WDR82: variants seen among roughly 807,000 people sequenced by gnomAD.
The protein encoded by WDR82 is WD repeat-containing protein 82.
In WDR82, 8 loss-of-function variants were observed where a neutral mutation model predicts 36.1. The observed-to-expected ratio is 0.22, with a 90% CI of 0.13 to 0.40. The LOEUF is 0.40. WDR82 is among the 10% of genes least tolerant of loss of function. The probability of loss-of-function intolerance (pLI) is 1.00; values close to 1 mark genes in which losing one functional copy is unlikely to be tolerated. For synonymous variants in WDR82, 129 were observed against 137.8 expected, an observed-to-expected ratio of 0.94 and a Z score of 0.45; for missense variants, 185 against 400.5, an observed-to-expected ratio of 0.46 and a Z score of 4.59.
Position 52,254,981 on chromosome 3 carries a change from T to C in WDR82, c.*2509A>G, listed in dbSNP as rs1379656983. ...TTTTGAGACGGAGTTTTGCTGTTGT[T>C]GCCCAGGCCGGAGTGCAATGGCACG... On this transcript the variant is annotated 3_prime_UTR_variant, in exon 9 of 9. Transcript: ENST00000296490. The C allele has an allele frequency of 1.3e-5, 2 of 151,550 alleles. No homozygotes were observed. The highest frequency in any genetic ancestry group is 4.9e-5 in the African/African-American group (2 of 41,158). 9.4% of individuals were successfully genotyped at this position (151,550 alleles called of 1,614,324 possible). A position where few individuals can be genotyped will look rare whatever the true frequency, so the allele number is the denominator to read the frequency against.
At chr3:52,262,051 T>C (rs1377893971) in intron 3 of WDR82, among the ~76,000 whole-genome samples, 1 of 152,222 alleles carries the variant, frequency 6.6e-6, no homozygotes. Flanking sequence ...GCTGTATCTA[T>C]ACACTGGAAC....
At chr3:52,271,151 T>A (rs1333244262) in intron 1 of WDR82, among the ~76,000 whole-genome samples, 1 of 152,212 alleles carries the variant, frequency 6.6e-6, no homozygotes, top group Non-Finnish European at 1.5e-5. Flanking sequence ...AGACAGCACA[T>A]AGGGTAATGG....
At chr3:52,268,648 C>A (rs761606777) in intron 2 of WDR82, among the ~76,000 whole-genome samples, 28 of 151,506 alleles carry the variant, frequency 1.8e-4, no homozygotes, top group Non-Finnish European at 3.5e-4. Flanking sequence ...CTTAGAAAAC[C>A]ACTTCTGAAA....
At chr3:52,264,733 T>C (rs1388228895) in intron 3 of WDR82, among the ~76,000 whole-genome samples, 2 of 152,054 alleles carry the variant, frequency 1.3e-5, no homozygotes, top group African/African-American at 4.8e-5. Context: ...AGACAACAGC[T>C]TTCTCAAGGA....
intron 2 of WDR82, among the ~76,000 whole-genome samples, chr3:52,270,402 G>T (rs561022032): frequency 6.6e-6 from 1 of 152,210 alleles, no homozygotes; most frequent in Non-Finnish European, 1.5e-5. Flanking sequence ...ATAGGCGCGA[G>T]CCCCTACGCC....
intron 1 of WDR82, among the ~76,000 whole-genome samples, chr3:52,274,150 T>A (rs1444644988): frequency 6.6e-6 from 1 of 152,248 alleles, no homozygotes; most frequent in Admixed American, 6.5e-5. Context: ...TATCACTCAA[T>A]GGGCGAACTC....
intron 2 of WDR82, 97 bp from the exon 3 acceptor site, chr3:52,267,115 G>A (rs1262230778): frequency 3.1e-5 from 29 of 941,968 alleles, no homozygotes; most frequent in Middle Eastern, 2.4e-4. Flanking sequence ...ATAATCCATT[G>A]TATTCTATAT....
rs564373087 is a variant in WDR82 at position 52,255,750 on chromosome 3, G to A, written c.*1740C>T. 6.6e-6 allele frequency: 1 copy of A among 152,302 alleles called. No individual in the cohort carries two copies. The highest frequency in any genetic ancestry group is 2.4e-5 in the African/African-American group (1 of 41,558). 9.4% of individuals were successfully genotyped at this position (152,302 alleles called of 1,614,324 possible). Reference sequence around the variant, plus strand: ...TGTGCCTCAGTTTCTGGATCTGCAAGGAGTGTTGCCTGCATAAATGTTTGT... The same window carrying A: ...TGTGCCTCAGTTTCTGGATCTGCAAAGAGTGTTGCCTGCATAAATGTTTGT... On this transcript the variant is annotated 3_prime_UTR_variant, in exon 9 of 9. Coordinates refer to ENST00000296490, the MANE Select transcript of WDR82 (RefSeq NM_025222.4).
intron 8 of WDR82, 62 bp downstream of exon 8, chr3:52,258,474 G>T: frequency 6.2e-7 from 1 of 1,600,348 alleles, no homozygotes. Context: ...GCTTGTTGAG[G>T]CACCCACCAC....
Position 52,257,254 on chromosome 3 carries a change from A to G in WDR82, c.*236T>C. 1 of 588,458 alleles carries G rather than the reference A, an allele frequency of 1.7e-6. No individual in the cohort carries two copies. Among genetic ancestry groups the G allele is most frequent in the South Asian group, 2.1e-5 (1 of 48,092 alleles). 36.5% of individuals were successfully genotyped at this position (588,458 alleles called of 1,614,324 possible). ...TCCTCCAGCAGAGCTTGGTGCAGTG[A>G]CAGTTAGAAAAGCTGAGTTCCAATT... On this transcript the variant is annotated 3_prime_UTR_variant, in exon 9 of 9. Coordinates refer to ENST00000296490, the MANE Select transcript of WDR82 (RefSeq NM_025222.4).
intron 8 of WDR82, among the ~76,000 whole-genome samples, chr3:52,258,034 G>A (rs1252410130): frequency 6.6e-6 from 1 of 152,122 alleles, no homozygotes; most frequent in Non-Finnish European, 1.5e-5. Flanking sequence ...AGATCACAAG[G>A]GAAAACTGGA....
intron 4 of WDR82, among the ~76,000 whole-genome samples, 190 bp from the exon 5 acceptor site, chr3:52,260,691 A>C (rs1346772972): frequency 1.3e-5 from 2 of 152,046 alleles, no homozygotes; most frequent in African/African-American, 2.4e-5. Context: ...GAACACACAC[A>C]AAAAAAACAT....
At chr3:52,278,172 C>G in intron 1 of WDR82, 29 bp downstream of exon 1, 3 of 1,544,878 alleles carry the variant, frequency 1.9e-6, no homozygotes, top group Non-Finnish European at 2.6e-6. Context: ...GGCACTGAGA[C>G]TCGGGCCCAG....
At chr3:52,267,041 T>C (rs369017794) in intron 2 of WDR82, 23 bp from the exon 3 acceptor site, 35 of 1,577,024 alleles carry the variant, frequency 2.2e-5, no homozygotes, top group Non-Finnish European at 3.0e-5. Flanking sequence ...AAACAAGGTA[T>C]GATGATATCA....
intron 1 of WDR82, among the ~76,000 whole-genome samples, chr3:52,272,889 C>A (rs1559456263): frequency 6.6e-6 from 1 of 152,234 alleles, no homozygotes; most frequent in Admixed American, 6.5e-5. Flanking sequence ...CCATTTCCAA[C>A]AGACTTCTCA....
intron 7 of WDR82, 133 bp downstream of exon 7, chr3:52,259,064 C>T: frequency 9.4e-7 from 1 of 1,066,456 alleles, no homozygotes; most frequent in Non-Finnish European, 1.4e-6. Context: ...GACACTATGT[C>T]CTTGGCATAA....
At chr3:52,269,914 A>C (rs1177069555) in intron 2 of WDR82, among the ~76,000 whole-genome samples, 1 of 152,212 alleles carries the variant, frequency 6.6e-6, no homozygotes, top group Non-Finnish European at 1.5e-5. Context: ...TCAATTTCTA[A>C]AAGTAACTCT....
At chr3:52,265,299 C>CAAAAAAAAAAAAAA (rs869189597) in intron 3 of WDR82, among the ~76,000 whole-genome samples, 2 of 43,782 alleles carry the variant, frequency 4.6e-5, no homozygotes, top group African/African-American at 9.3e-5. Context: ...GACTCTGTCT[C>CAAAAAAAAAAAAAA]AAAAAAAAAA....
intron 3 of WDR82, among the ~76,000 whole-genome samples, chr3:52,263,706 A>G (rs1365872433): frequency 6.6e-6 from 1 of 152,266 alleles, no homozygotes; most frequent in East Asian, 1.9e-4. Flanking sequence ...GAGTGAACTA[A>G]CAACAGATGC....
Sources: gnomAD v4.1 joint callset for allele counts (sites outside exome capture counted in the v4.1 genomes callset) on GRCh38, gnomAD v4.1.1 for gene constraint, MANE v1.5 for transcripts, NCBI Gene and HGNC (gene_info 2026-07-23, HGNC 2026-07-21) for gene names.